Variants in GABRA5 observed in about 807,000 individuals in gnomAD.
The protein encoded by GABRA5 is gamma-aminobutyric acid receptor subunit alpha-5.
In GABRA5, 18 loss-of-function variants were observed where a neutral mutation model predicts 47.3. That is an observed-to-expected ratio of 0.38 (90% CI 0.26 to 0.56). The LOEUF (loss-of-function observed/expected upper bound fraction) is 0.56. Ranked by LOEUF, GABRA5 falls within the 20% of genes least tolerant of loss-of-function variation. The pLI, the probability that GABRA5 is intolerant of heterozygous loss-of-function variation, is 0.71. For synonymous variants in GABRA5, 237 were observed against 229.3 expected (o/e 1.03, Z -0.30); for missense variants, 365 against 599.3 (o/e 0.61, Z 4.08).
At chr15:26,912,028 C>T (rs1184467488) in intron 6 of GABRA5, among the ~76,000 whole-genome samples, 2 of 152,292 alleles carry the variant, frequency 1.3e-5, no homozygotes, top group East Asian at 3.9e-4. Flanking sequence ...TGGGCTAAGA[C>T]AGTCAGGTCA....
chr15:26,910,461 G>A (rs1241949294), intron 6 of GABRA5, among the ~76,000 whole-genome samples: 1 of 151,962 alleles, frequency 6.6e-6, no homozygotes, highest in Admixed American at 6.6e-5. Flanking sequence ...TTAGGTGGGC[G>A]TGATTGCGGA....
intron 6 of GABRA5, among the ~76,000 whole-genome samples, chr15:26,913,694 A>G (rs111614288): frequency 0.026 from 3,914 of 152,200 alleles, 196 homozygotes; most frequent in African/African-American, 0.09. Context: ...AATGGAAAGA[A>G]AAACTAACAA....
At position 26,948,050 on chromosome 15, in the gene GABRA5, A is replaced by G; in HGVS notation, c.1206A>G (p.Ser402=). ...CAGCAGGGACGTCGAATACAACCTCAGTCTCAGTAAAACCCTCTGAAGAGA... is the reference window on the plus strand; with the variant it reads ...CAGCAGGGACGTCGAATACAACCTCGGTCTCAGTAAAACCCTCTGAAGAGA... ...QTPAGTSNTT[S]VSVKPSEEKT... The change falls in exon 11 of 11, where the codon TCA becomes TCG. Residue 402 remains serine, a synonymous_variant. Coordinates refer to ENST00000335625, the MANE Select transcript of GABRA5 (RefSeq NM_000810.4). The G allele has an allele frequency of 6.2e-7, 1 of 1,608,340 alleles. No homozygotes were observed. The highest frequency in any genetic ancestry group is 8.5e-7 in the Non-Finnish European group (1 of 1,177,116).
intron 6 of GABRA5, among the ~76,000 whole-genome samples, chr15:26,909,151 G>A (rs918221309): frequency 1.3e-5 from 2 of 152,112 alleles, no homozygotes; most frequent in African/African-American, 4.8e-5. Flanking sequence ...GACAATCTGT[G>A]TCCTTGCCTC....
intron 3 of GABRA5, among the ~76,000 whole-genome samples, chr15:26,871,734 A>G (rs182124080): frequency 2.0e-5 from 3 of 152,236 alleles, no homozygotes; most frequent in Admixed American, 2.0e-4. Context: ...CATGATCACA[A>G]TTTCTTTAAA....
chr15:26,877,134 C>G (rs1159521846), intron 3 of GABRA5, among the ~76,000 whole-genome samples: 1 of 152,206 alleles, frequency 6.6e-6, no homozygotes, highest in Non-Finnish European at 1.5e-5. Flanking sequence ...TCGGAGAGTT[C>G]TAGCATGATG....
chr15:26,929,455 G>T (rs573097451), intron 7 of GABRA5, among the ~76,000 whole-genome samples: 2 of 152,334 alleles, frequency 1.3e-5, no homozygotes, highest in South Asian at 4.1e-4. Context: ...TCACACTGGG[G>T]CAGCAGCTGT....
At chr15:26,899,477 G>A (rs1295349264) in intron 6 of GABRA5, among the ~76,000 whole-genome samples, 5 of 152,120 alleles carry the variant, frequency 3.3e-5, no homozygotes, top group African/African-American at 1.2e-4. Context: ...TATAGTCAAA[G>A]TCTTGTCAAT....
intron 9 of GABRA5, 56 bp from the exon 10 acceptor site, chr15:26,943,159 G>C (rs1894425041): frequency 2.3e-6 from 3 of 1,317,098 alleles, no homozygotes; most frequent in Non-Finnish European, 3.1e-6. Context: ...GGGGTCCTGG[G>C]TGCCAGCACT....
At chr15:26,909,750 A>C (rs1893534518) in intron 6 of GABRA5, among the ~76,000 whole-genome samples, 1 of 152,204 alleles carries the variant, frequency 6.6e-6, no homozygotes, top group Non-Finnish European at 1.5e-5. Context: ...ATCCAGGATT[A>C]TCTCTCCATC....
At chr15:26,944,708 A>T (rs1479191415) in intron 10 of GABRA5, among the ~76,000 whole-genome samples, 1 of 152,152 alleles carries the variant, frequency 6.6e-6, no homozygotes, top group East Asian at 1.9e-4. Flanking sequence ...ACGAGAATGG[A>T]GTCTGGGGAG....
chr15:26,889,167 A>G (rs183703959), intron 6 of GABRA5, among the ~76,000 whole-genome samples: 16 of 152,312 alleles, frequency 1.1e-4, no homozygotes, highest in African/African-American at 3.8e-4. Flanking sequence ...TTTAAGGAAG[A>G]CATATTTTGA....
rs182957899 is a variant in GABRA5, at chr15:26,927,710, T to C, written c.581-9475T>C. On this transcript the variant is annotated intron_variant, in intron 7 of 10. Transcript: ENST00000335625. Reference sequence around the variant, plus strand: ...AAAAATAGATGCTTGGCCAACTTGTTCACTTATACCATTGGCATCTGAGCA... The same window carrying C: ...AAAAATAGATGCTTGGCCAACTTGTCCACTTATACCATTGGCATCTGAGCA... Among the ~76,000 whole-genome samples the C allele has an allele frequency of 1.5e-4, 23 of 152,352 alleles. No homozygotes were observed. In the East Asian group the frequency reaches 4.4e-3, roughly 29 times the overall value.
chr15:26,877,126 G>A (rs372832764), intron 3 of GABRA5, among the ~76,000 whole-genome samples: 7 of 151,932 alleles, frequency 4.6e-5, no homozygotes, highest in East Asian at 1.9e-4. Flanking sequence ...CAGGAATATC[G>A]GAGAGTTCTA....
chr15:26,879,600 C>A (rs117826660), intron 3 of GABRA5, among the ~76,000 whole-genome samples: 43 of 152,268 alleles, frequency 2.8e-4, no homozygotes, highest in East Asian at 2.1e-3. Flanking sequence ...ATTCTTTATT[C>A]TCTCATTCTA....
intron 7 of GABRA5, 61 bp from the exon 8 acceptor site, chr15:26,937,124 G>GTGTTTTCCAGGCTGGGAATGATTTCA: frequency 6.3e-7 from 1 of 1,585,950 alleles, no homozygotes; most frequent in Non-Finnish European, 8.7e-7. Flanking sequence ...AAAAGCTTCT[G>GTGTTTTCCAGGCTGGGAATGATTTCA]TGTTTTCCAG....
intron 7 of GABRA5, among the ~76,000 whole-genome samples, chr15:26,916,878 T>G (rs1267409225): frequency 1.3e-5 from 2 of 152,140 alleles, no homozygotes; most frequent in East Asian, 3.8e-4. Flanking sequence ...GATAGTTCAT[T>G]GTTAATATAT....
At chr15:26,902,702 T>G (rs531201247) in intron 6 of GABRA5, among the ~76,000 whole-genome samples, 1 of 152,258 alleles carries the variant, frequency 6.6e-6, no homozygotes, top group Non-Finnish European at 1.5e-5. Flanking sequence ...AGAGTAGACA[T>G]CCTTGCCTTG....
chr15:26,904,898 T>C (rs559778117), intron 6 of GABRA5, among the ~76,000 whole-genome samples: 1 of 152,318 alleles, frequency 6.6e-6, no homozygotes, highest in Non-Finnish European at 1.5e-5. Flanking sequence ...TCATGTCATC[T>C]GCAAACAGGG....
Sources: gnomAD v4.1 joint callset for allele counts (sites outside exome capture counted in the v4.1 genomes callset) on GRCh38, gnomAD v4.1.1 for gene constraint, MANE v1.5 for transcripts, NCBI Gene and HGNC (gene_info 2026-07-23, HGNC 2026-07-21) for gene names.